The following DDX25 variants were observed in gnomAD, a reference collection of about 807,000 sequenced individuals.
DDX25 encodes DEAD-box helicase 25.
In DDX25, 70 loss-of-function variants were observed where a neutral mutation model predicts 64.6. The observed-to-expected ratio is 1.08, with a 90% CI of 0.89 to 1.32. DDX25 has a LOEUF of 1.32. Among genes scored for constraint, DDX25 ranks in the 40% most tolerant of loss-of-function variants. The probability of loss-of-function intolerance (pLI) is 0.00; values close to 1 mark genes in which losing one functional copy is unlikely to be tolerated. For synonymous variants in DDX25, 211 were observed against 213.3 expected (o/e 0.99, Z 0.09); for missense variants, 587 against 604.4 (o/e 0.97, Z 0.30).
intron 1 of DDX25, chr11:125,904,819 G>C: frequency 1.7e-6 from 1 of 584,678 alleles, no homozygotes; most frequent in Non-Finnish European, 3.0e-6. Flanking sequence ...GAAATCCAGG[G>C]TGGGAACGCA....
chr11:125,923,611 A>T lies in DDX25; in HGVS notation c.*730A>T, dbSNP rs1336662338. The T allele has an allele frequency of 6.6e-6, 1 of 152,184 alleles. No homozygotes were observed. The highest frequency in any genetic ancestry group is 1.5e-5 in the Non-Finnish European group (1 of 68,028). 9.4% of individuals were successfully genotyped at this position (152,184 alleles called of 1,614,324 possible). A position where few individuals can be genotyped will look rare whatever the true frequency, so the allele number is the denominator to read the frequency against. On this transcript the variant is annotated 3_prime_UTR_variant, in exon 12 of 12. Coordinates refer to ENST00000263576, the MANE Select transcript of DDX25 (RefSeq NM_013264.5). ...AAAAACCCACATACCCTATTAAAGA[A>T]GTAACATTTTAGAGAGCAAAAGTTT...
intron 9 of DDX25, 143 bp from the exon 10 acceptor site, chr11:125,918,485 C>A: frequency 2.8e-6 from 3 of 1,080,514 alleles, no homozygotes; most frequent in East Asian, 2.7e-5. Context: ...CATTTTAAGG[C>A]CCTGGAGGAC....
chr11:125,908,999 C>T (rs1185760467), intron 6 of DDX25, among the ~76,000 whole-genome samples: 8 of 152,190 alleles, frequency 5.3e-5, no homozygotes, highest in Non-Finnish European at 7.3e-5. Flanking sequence ...GTCAGGTAGT[C>T]CACCTCACTC....
intron 8 of DDX25, among the ~76,000 whole-genome samples, chr11:125,913,631 T>A (rs904820078): frequency 6.6e-6 from 1 of 152,182 alleles, no homozygotes; most frequent in Non-Finnish European, 1.5e-5. Context: ...GACCTTTTTT[T>A]TTTCTCTCGC....
Position 125,925,126 on chromosome 11 carries a change from C to G in DDX25, c.*2245C>G. The G allele has an allele frequency of 4.5e-6, 1 of 222,908 alleles. No homozygotes were observed. The allele number at this position is 222,908 out of a possible 1,614,324, so 13.8% of individuals were successfully genotyped here. On this transcript the variant is annotated 3_prime_UTR_variant, in exon 12 of 12. Transcript: ENST00000263576. ...GAAGTGTATCCAGATACTTTGTTCTCTTACTATTCGAGAATCGAGTTGGAC... is the reference window on the plus strand; with the variant it reads ...GAAGTGTATCCAGATACTTTGTTCTGTTACTATTCGAGAATCGAGTTGGAC...
intron 6 of DDX25, among the ~76,000 whole-genome samples, chr11:125,909,461 C>T (rs1055152491): frequency 6.6e-6 from 1 of 152,036 alleles, no homozygotes; most frequent in Non-Finnish European, 1.5e-5. Context: ...TAGATATTAC[C>T]GTTTTTTTCC....
chr11:125,922,449 C>G (rs879760245), intron 11 of DDX25: 10 of 195,260 alleles, frequency 5.1e-5, no homozygotes, highest in Non-Finnish European at 9.3e-5. Flanking sequence ...AGGTTAAGTG[C>G]CCCTGTGTTA....
chr11:125,905,678 AT>A lies in DDX25; in HGVS notation c.175+82del. ...TTTAATAGTGTGAGTGAATAATATAATCTCAATTGGAAAAGGCCTGTCTTTG... is the reference window on the plus strand; with the variant it reads ...TTTAATAGTGTGAGTGAATAATATAACTCAATTGGAAAAGGCCTGTCTTTG... On this transcript the variant is annotated intron_variant, in intron 3 of 11. Transcript: ENST00000263576. The A allele has an allele frequency of 2.2e-6, 3 of 1,385,742 alleles. No homozygotes were observed. In the South Asian group the frequency reaches 3.9e-5, roughly 18 times the overall value. The allele number at this position is 1,385,742 out of a possible 1,614,324, so 85.8% of individuals were successfully genotyped here.
intron 9 of DDX25, among the ~76,000 whole-genome samples, chr11:125,918,384 A>G (rs930587642): frequency 6.6e-6 from 1 of 152,276 alleles, no homozygotes; most frequent in East Asian, 1.9e-4. Context: ...TAGCACATTT[A>G]TCTCCATTTC....
chr11:125,912,750 T>A (rs1286101331), intron 8 of DDX25, among the ~76,000 whole-genome samples: 1 of 152,202 alleles, frequency 6.6e-6, no homozygotes. Flanking sequence ...TTGCTTTTTT[T>A]TTTTCATTTT....
At chr11:125,904,265 T>TCGCCCCGCTCTCTGCCCTC (rs201190482), upstream of DDX25, 2,104 of 339,042 alleles carry the variant, frequency 6.2e-3, 45 homozygotes, top group African/African-American at 0.039. Context: ...CCGCGCCCTT[T>TCGCCCCGCTCTCTGCCCTC]CGCCCCGCTC....
chr11:125,904,711 C>A, intron 1 of DDX25, 131 bp downstream of exon 1: 1 of 1,108,426 alleles, frequency 9.0e-7, no homozygotes, highest in Non-Finnish European at 1.3e-6. Flanking sequence ...AGGGGAGATG[C>A]GGGAAGGGTT....
At position 125,925,180 on chromosome 11, in the gene DDX25, G is replaced by T. The variant is rs561046400; in HGVS notation, c.*2299G>T. 3.1e-6 allele frequency: 1 copy of T among 325,156 alleles called. No individual in the cohort carries two copies. The highest frequency in any genetic ancestry group is 2.2e-5 in the African/African-American group (1 of 46,360). The allele number at this position is 325,156 out of a possible 1,614,324, so 20.1% of individuals were successfully genotyped here. On this transcript the variant is annotated 3_prime_UTR_variant, in exon 12 of 12. Transcript: ENST00000263576. ...CCACCGTGCTCAGCTCCGCCTTGGGGTGTCCTAAATAAAACTTTACCACTT... is the reference window on the plus strand; with the variant it reads ...CCACCGTGCTCAGCTCCGCCTTGGGTTGTCCTAAATAAAACTTTACCACTT...
chr11:125,921,337 G>T lies in DDX25; in HGVS notation c.1348G>T (p.Val450Leu). The T allele has an allele frequency of 6.2e-7, 1 of 1,613,896 alleles. No individual in the cohort carries two copies. The highest frequency in any genetic ancestry group is 8.5e-7 in the Non-Finnish European group (1 of 1,179,856). Reference sequence around the variant, plus strand: ...AGGCCTTGCCTTCAACATGATTGAAGTAGATGAGCTGCCCTCGCTCATGAA... The same window carrying T: ...AGGCCTTGCCTTCAACATGATTGAATTAGATGAGCTGCCCTCGCTCATGAA... The part of the protein sequence containing the change: ...KKGLAFNMIE[V>L]DELPSLMKIQ... Residue 450 changes from valine to leucine, a missense_variant, in exon 11 of 12, where the codon GTA becomes TTA. By Grantham distance (32) the Val-to-Leu change is conservative. Transcript: ENST00000263576. This position sits in a 1 kb window ranked among gnomAD's most constrained non-coding sequence, Gnocchi z 4.1.
intron 8 of DDX25, among the ~76,000 whole-genome samples, chr11:125,913,686 T>C (rs1944996793): frequency 6.6e-6 from 1 of 152,058 alleles, no homozygotes; most frequent in Non-Finnish European, 1.5e-5. Context: ...TCTGAAACTT[T>C]TCAGTGACAT....
In DDX25 at chr11:125,921,360, G is replaced by GAAAATCCAGGACCACTTTAGTA; in HGVS notation, c.1373_1390+4dup. The stretch of plus-strand genomic sequence containing the variant: ...AAGTAGATGAGCTGCCCTCGCTCAT[G>GAAAATCCAGGACCACTTTAGTA]AAAATCCAGGACCACTTTAGTAAGT... On this transcript the variant is annotated frameshift_variant, in exon 11 of 12. Transcript: ENST00000263576. LOFTEE classifies it high-confidence loss of function. This position sits in a 1 kb window ranked among gnomAD's most constrained non-coding sequence, Gnocchi z 4.1. 1.2e-6 allele frequency: 2 copies of GAAAATCCAGGACCACTTTAGTA among 1,613,728 alleles called. No individual in the cohort carries two copies. Among genetic ancestry groups the GAAAATCCAGGACCACTTTAGTA allele is most frequent in the Non-Finnish European group, 8.5e-7 (1 of 1,179,804 alleles).
intron 6 of DDX25, 60 bp downstream of exon 6, chr11:125,908,563 A>G (rs998760186): frequency 1.4e-4 from 201 of 1,431,084 alleles, no homozygotes; most frequent in Non-Finnish European, 1.8e-4. Flanking sequence ...ATTTAGTAAT[A>G]GGTGATATTC....
In DDX25 at chr11:125,917,265, A is replaced by G; in HGVS notation, c.1038+14A>G. ...ATCTTCTGCCAGGTACACTCTGTGG[A>G]TGTGTCTTCATCGAGCCCAGATATG... On this transcript the variant is annotated intron_variant, in intron 9 of 11. Transcript: ENST00000263576. 1 of 1,583,766 alleles carries G rather than the reference A, an allele frequency of 6.3e-7. No individual in the cohort carries two copies. The highest frequency in any genetic ancestry group is 1.8e-5 in the Admixed American group (1 of 55,766).
intron 8 of DDX25, among the ~76,000 whole-genome samples, chr11:125,915,037 G>C (rs1242706046): frequency 2.6e-5 from 4 of 152,148 alleles, no homozygotes; most frequent in African/African-American, 9.7e-5. Context: ...TCAAGTTCCT[G>C]GCCTCAAGTG....
Sources: gnomAD v4.1 joint callset for allele counts (sites outside exome capture counted in the v4.1 genomes callset) on GRCh38, gnomAD v4.1.1 for gene constraint, Gnocchi (gnomAD v3.1) non-coding constraint, MANE v1.5 for transcripts, NCBI Gene and HGNC (gene_info 2026-07-23, HGNC 2026-07-21) for gene names.